CYRIA: variants seen among roughly 807,000 people sequenced by gnomAD.
The protein encoded by CYRIA is CYFIP-related Rac1 interactor A.
Under a neutral mutation model 43.9 loss-of-function variants are expected in CYRIA, and 15 were observed. The ratio of observed to expected loss-of-function variants is 0.34; its 90% confidence interval spans 0.23 to 0.53. The LOEUF is 0.53. Ranked by LOEUF, CYRIA falls within the 20% of genes least tolerant of loss-of-function variation. The probability of loss-of-function intolerance (pLI) is 0.94; values close to 1 mark genes in which losing one functional copy is unlikely to be tolerated. For synonymous variants in CYRIA, 117 were observed against 136.0 expected (o/e 0.86, Z 0.97); for missense variants, 236 against 394.2 (o/e 0.60, Z 3.40).
At position 16,623,844 on chromosome 2, in the gene CYRIA, G is replaced by T. The variant is rs1243671576; in HGVS notation, c.-11+20C>A. ...TTATCAGTGTGCTACACGTTATAAC[G>T]AAAGTCAATTGTTTCTTACCTGGAA... On this transcript the variant is annotated intron_variant, in intron 2 of 11. Coordinates refer to ENST00000381323, the MANE Select transcript of CYRIA (RefSeq NM_030797.4). The T allele has an allele frequency of 1.3e-5, 2 of 152,138 alleles. No individual in the cohort carries two copies. The highest frequency in any genetic ancestry group is 2.9e-5 in the Non-Finnish European group (2 of 68,024). The allele number at this position is 152,138 out of a possible 1,614,324, so 9.4% of individuals were successfully genotyped here.
At chr2:16,608,844 A>G (rs2103487419) in intron 2 of CYRIA, among the ~76,000 whole-genome samples, 1 of 152,308 alleles carries the variant, frequency 6.6e-6, no homozygotes, top group African/African-American at 2.4e-5. Flanking sequence ...CTGGAGAAGA[A>G]AGCCGACTCA....
chr2:16,560,904 A>C, intron 9 of CYRIA, 86 bp downstream of exon 9: 1 of 1,222,068 alleles, frequency 8.2e-7, no homozygotes, highest in Non-Finnish European at 1.2e-6. Context: ...TGTTGACCCA[A>C]ATGTTACATA....
intron 1 of CYRIA, among the ~76,000 whole-genome samples, chr2:16,657,786 T>C (rs1670157069): frequency 6.6e-6 from 1 of 152,228 alleles, no homozygotes; most frequent in African/African-American, 2.4e-5. Context: ...ATGTATTACA[T>C]ACATGCCCAG....
intron 1 of CYRIA, among the ~76,000 whole-genome samples, chr2:16,648,198 A>T (rs1457502853): frequency 6.6e-6 from 1 of 152,080 alleles, no homozygotes; most frequent in Non-Finnish European, 1.5e-5. Flanking sequence ...AGGGGGGTGG[A>T]GTCTCTGCCA....
At chr2:16,603,038 G>A (rs771465312) in intron 2 of CYRIA, among the ~76,000 whole-genome samples, 2 of 152,002 alleles carry the variant, frequency 1.3e-5, no homozygotes, top group African/African-American at 2.4e-5. Flanking sequence ...CCATGCTGCC[G>A]GCAGAGCCAT....
At chr2:16,567,508 T>G (rs1209063030) in intron 3 of CYRIA, among the ~76,000 whole-genome samples, 1 of 152,100 alleles carries the variant, frequency 6.6e-6, no homozygotes, top group Non-Finnish European at 1.5e-5. Flanking sequence ...TGACTTGGTG[T>G]TCAGAAATGC....
At chr2:16,665,235 G>C (rs1457821536) in intron 1 of CYRIA, among the ~76,000 whole-genome samples, 1 of 152,144 alleles carries the variant, frequency 6.6e-6, no homozygotes, top group African/African-American at 2.4e-5. Context: ...GGTTCTGGGG[G>C]AGGAGAGAGG....
intron 1 of CYRIA, among the ~76,000 whole-genome samples, chr2:16,631,573 C>A (rs771269536): frequency 1.3e-5 from 2 of 152,236 alleles, no homozygotes; most frequent in Non-Finnish European, 2.9e-5. Flanking sequence ...CAATCATAAA[C>A]CTCAGTCTCA....
intron 1 of CYRIA, chr2:16,625,638 G>A (rs1192233620): frequency 1.3e-5 from 2 of 152,240 alleles, no homozygotes; most frequent in Non-Finnish European, 2.9e-5. Context: ...AGCACCGCCT[G>A]GCACAGGGAT....
chr2:16,616,294 T>C (rs1188169675), intron 2 of CYRIA, among the ~76,000 whole-genome samples: 4 of 152,200 alleles, frequency 2.6e-5, no homozygotes, highest in African/African-American at 9.6e-5. Flanking sequence ...AAGTAGAACT[T>C]ACTGCTCACA....
intron 1 of CYRIA, among the ~76,000 whole-genome samples, chr2:16,636,606 T>C (rs1669504947): frequency 6.6e-6 from 1 of 152,140 alleles, no homozygotes; most frequent in Non-Finnish European, 1.5e-5. Flanking sequence ...GTCACCTATC[T>C]ATTCAGAGAA....
chr2:16,637,134 A>T (rs1669521178), intron 1 of CYRIA, among the ~76,000 whole-genome samples: 1 of 137,528 alleles, frequency 7.3e-6, no homozygotes, highest in Non-Finnish European at 1.5e-5. Context: ...GCTGAGTGAG[A>T]TAAAGAAATC....
At chr2:16,577,934 C>T (rs1667407520) in intron 3 of CYRIA, among the ~76,000 whole-genome samples, 1 of 152,290 alleles carries the variant, frequency 6.6e-6, no homozygotes, top group Non-Finnish European at 1.5e-5. Flanking sequence ...CTCTAGGGCC[C>T]ACCATGCCAG....
chr2:16,660,618 G>A (rs1670228287), intron 1 of CYRIA, among the ~76,000 whole-genome samples: 2 of 152,106 alleles, frequency 1.3e-5, no homozygotes, highest in African/African-American at 4.8e-5. Flanking sequence ...AACCCACCCC[G>A]TACATATTTG....
chr2:16,586,472 A>T (rs1331102104), intron 3 of CYRIA, among the ~76,000 whole-genome samples: 5 of 152,128 alleles, frequency 3.3e-5, no homozygotes, highest in Non-Finnish European at 5.9e-5. Context: ...CCTCTAGCTA[A>T]ACCCCTTACC....
intron 10 of CYRIA, among the ~76,000 whole-genome samples, chr2:16,558,180 T>G (rs1303943279): frequency 6.6e-6 from 1 of 152,138 alleles, no homozygotes; most frequent in African/African-American, 2.4e-5. Flanking sequence ...TATATTTAAT[T>G]TACTATGTCT....
chr2:16,566,527 C>T (rs1444905373), intron 3 of CYRIA, among the ~76,000 whole-genome samples: 1 of 152,176 alleles, frequency 6.6e-6, no homozygotes, highest in East Asian at 1.9e-4. Context: ...AACCTGATCT[C>T]ATGTTCAGGA....
chr2:16,584,608 G>A (rs1478116701), intron 3 of CYRIA, among the ~76,000 whole-genome samples: 2 of 152,268 alleles, frequency 1.3e-5, no homozygotes, highest in African/African-American at 2.4e-5. Flanking sequence ...AAGCTCCCAG[G>A]CTTGGCAGCC....
intron 2 of CYRIA, among the ~76,000 whole-genome samples, chr2:16,612,881 T>A (rs1025141702): frequency 1.3e-5 from 2 of 149,872 alleles, no homozygotes; most frequent in African/African-American, 5.1e-5. Context: ...TGGTGGGAGG[T>A]AATTGAATCA....
Sources: gnomAD v4.1 joint callset for allele counts (sites outside exome capture counted in the v4.1 genomes callset) on GRCh38, gnomAD v4.1.1 for gene constraint, MANE v1.5 for transcripts, NCBI Gene and HGNC (gene_info 2026-07-23, HGNC 2026-07-21) for gene names.